Variants in SEM1 observed in about 807,000 individuals in gnomAD.
SEM1 encodes the protein SEM1 26S proteasome subunit, also known as 26S proteasome complex subunit SEM1.
In SEM1, 3 loss-of-function variants were observed where a neutral mutation model predicts 12.7. The observed-to-expected ratio is 0.24, with a 90% confidence interval of 0.11 to 0.61. SEM1 has a LOEUF of 0.61. SEM1 is among the 20% of genes least tolerant of loss of function. The probability of loss-of-function intolerance (pLI) is 0.88; values close to 1 mark genes in which losing one functional copy is unlikely to be tolerated. For synonymous variants in SEM1, 30 were observed against 27.8 expected, an observed-to-expected ratio of 1.08 and a Z score of -0.25; for missense variants, 59 against 81.3, an observed-to-expected ratio of 0.73 and a Z score of 1.06.
At chr7:96,496,332 A>G in exon 1 of SEM1, 1 of 1,485,676 alleles carries the variant, frequency 6.7e-7, no homozygotes, top group South Asian at 1.2e-5. Context: ...CATCTGATGT[A>G]TTTGTTTCTC....
At chr7:96,606,133 A>C (rs1807370983) in intron 2 of SEM1, among the ~76,000 whole-genome samples, 1 of 152,320 alleles carries the variant, frequency 6.6e-6, no homozygotes, top group South Asian at 2.1e-4. Context: ...TTAATCTCTT[A>C]CTATGCCTAA....
intron 2 of SEM1, among the ~76,000 whole-genome samples, chr7:96,515,505 A>C (rs1280191990): frequency 6.6e-6 from 1 of 152,186 alleles, no homozygotes; most frequent in Non-Finnish European, 1.5e-5. Context: ...ATACCATTTG[A>C]CCCAGCAATC....
chr7:96,562,552 C>T (rs1805721606), intron 2 of SEM1, among the ~76,000 whole-genome samples: 1 of 152,278 alleles, frequency 6.6e-6, no homozygotes, highest in Middle Eastern at 3.4e-3. Flanking sequence ...GAGATTTCCT[C>T]CTTTGGATTG....
intron 2 of SEM1, among the ~76,000 whole-genome samples, chr7:96,642,040 G>A (rs996379359): frequency 2.6e-5 from 4 of 151,946 alleles, no homozygotes; most frequent in African/African-American, 9.7e-5. Context: ...TTAACCACAT[G>A]GAGCTATTTA....
chr7:96,696,867 G>C (rs1790114297), intron 1 of SEM1: 1 of 151,902 alleles, frequency 6.6e-6, no homozygotes, highest in African/African-American at 2.4e-5. Context: ...CATCTTCTTG[G>C]ATCTCTGAAT....
intron 2 of SEM1, among the ~76,000 whole-genome samples, chr7:96,546,885 G>A (rs528364258): frequency 6.6e-6 from 1 of 152,190 alleles, no homozygotes; most frequent in South Asian, 2.1e-4. Flanking sequence ...TTGATTAGAA[G>A]CCAAGGAGTT....
chr7:96,642,482 G>C (rs1185789102), intron 2 of SEM1, among the ~76,000 whole-genome samples: 2 of 151,648 alleles, frequency 1.3e-5, no homozygotes, highest in East Asian at 3.9e-4. Flanking sequence ...TCTGTTTTCT[G>C]TCTCCCTCTT....
At chr7:96,634,491 A>G (rs982873997) in intron 2 of SEM1, among the ~76,000 whole-genome samples, 1 of 151,550 alleles carries the variant, frequency 6.6e-6, no homozygotes, top group African/African-American at 2.4e-5. Flanking sequence ...AACAGTGAAT[A>G]TGGTAGACAA....
At chr7:96,603,749 C>T (rs762522562) in intron 2 of SEM1, among the ~76,000 whole-genome samples, 4 of 152,154 alleles carry the variant, frequency 2.6e-5, no homozygotes, top group Non-Finnish European at 5.9e-5. Context: ...CTCCCTCCAA[C>T]CCCACCTCAA....
chr7:96,627,489 G>A (rs567537106), intron 2 of SEM1, among the ~76,000 whole-genome samples: 1 of 151,960 alleles, frequency 6.6e-6, no homozygotes, highest in Admixed American at 6.6e-5. Context: ...GTTTCAAGAA[G>A]ATTTTCAATT....
chr7:96,587,838 A>G (rs756461243), intron 2 of SEM1, among the ~76,000 whole-genome samples: 1 of 152,192 alleles, frequency 6.6e-6, no homozygotes, highest in Non-Finnish European at 1.5e-5. Flanking sequence ...ACATATTATA[A>G]CCTTGTTCAA....
intron 2 of SEM1, among the ~76,000 whole-genome samples, chr7:96,569,313 A>T (rs1805945766): frequency 6.6e-6 from 1 of 152,042 alleles, no homozygotes; most frequent in Admixed American, 6.6e-5. Flanking sequence ...GTGAAGGAGA[A>T]ATTGAGGTGT....
At chr7:96,677,580 A>C (rs190640380) in intron 2 of SEM1, among the ~76,000 whole-genome samples, 204 of 152,340 alleles carry the variant, frequency 1.3e-3, no homozygotes, top group Admixed American at 3.1e-3. Flanking sequence ...ATTAGAATCC[A>C]TCATGAGATT....
intron 2 of SEM1, among the ~76,000 whole-genome samples, chr7:96,554,930 G>A (rs1805430331): frequency 7.6e-6 from 1 of 131,180 alleles, no homozygotes; most frequent in Non-Finnish European, 1.7e-5. Flanking sequence ...TCTTGGGAGA[G>A]TGCATGTGTC....
intron 2 of SEM1, among the ~76,000 whole-genome samples, chr7:96,693,760 TTGTG>T (rs566641071): frequency 3.7e-4 from 51 of 139,636 alleles, no homozygotes; most frequent in Middle Eastern, 3.6e-3. Flanking sequence ...ACAATTCCAC[TTGTG>T]TGTGTGTGTG....
chr7:96,612,968 C>CTG (rs77392962), intron 2 of SEM1, among the ~76,000 whole-genome samples: 146,988 of 152,238 alleles, frequency 0.97, 71,156 homozygotes, highest in East Asian at 1. Flanking sequence ...AAAATTAAAA[C>CTG]TTTTTTAAAT....
At chr7:96,567,594 T>C (rs67055449) in intron 2 of SEM1, among the ~76,000 whole-genome samples, 76,173 of 151,182 alleles carry the variant, frequency 0.5, 22,976 homozygotes, top group Non-Finnish European at 0.68. Context: ...GTTGAAAATA[T>C]TTTGAGTAGT....
intron 2 of SEM1, among the ~76,000 whole-genome samples, chr7:96,519,183 G>C (rs1804191402): frequency 6.6e-6 from 1 of 152,152 alleles, no homozygotes; most frequent in Non-Finnish European, 1.5e-5. Flanking sequence ...GTGACTGGCA[G>C]AGAGGAATGG....
In SEM1 at chr7:96,631,873, T is replaced by C. The variant is rs140867806; in HGVS notation, c.171-9230A>G. ...AAATTTACAAGAAAAAAACAAACAATGCCATCAAAAGTGGGTGAATGAAAT... is the reference window on the plus strand; with the variant it reads ...AAATTTACAAGAAAAAAACAAACAACGCCATCAAAAGTGGGTGAATGAAAT... On this transcript the variant is annotated intron_variant, in intron 2 of 2. Coordinates refer to the SEM1 transcript ENST00000417009. 6.1e-3 allele frequency among the ~76,000 whole-genome samples: 929 copies of C among 151,918 alleles called. 12 individuals are homozygous for C. Among genetic ancestry groups the C allele is most frequent in the African/African-American group, 0.021 (880 of 41,442 alleles).
Sources: allele counts gnomAD v4.1 joint callset (sites outside exome capture counted in the v4.1 genomes callset), GRCh38; gene constraint gnomAD v4.1.1; transcripts MANE v1.5; gene names NCBI Gene and HGNC (gene_info 2026-07-23, HGNC 2026-07-21).